SNRNP35: variants seen among roughly 807,000 people sequenced by gnomAD.
SNRNP35 encodes small nuclear ribonucleoprotein U11/U12 subunit 35.
In SNRNP35, 16 loss-of-function variants were observed where a neutral mutation model predicts 24.3. The ratio of observed to expected loss-of-function variants is 0.66; its 90% CI spans 0.45 to 1.00. The LOEUF is 1.00. SNRNP35 is among the 50% of genes least tolerant of loss of function. The pLI is 0.00. For synonymous variants in SNRNP35, 106 were observed against 124.8 expected, an observed-to-expected ratio of 0.85 and a Z score of 1.00; for missense variants, 292 against 327.2, an observed-to-expected ratio of 0.89 and a Z score of 0.83.
chr12:123,470,292 A>G (rs973097063), downstream of SNRNP35: 3 of 151,558 alleles, frequency 2.0e-5, no homozygotes, highest in African/African-American at 7.3e-5. Context: ...AGCTTAGGCA[A>G]CAAAGTAAGA....
At chr12:123,461,820 C>T (rs888231070) in intron 1 of SNRNP35, among the ~76,000 whole-genome samples, 2 of 151,146 alleles carry the variant, frequency 1.3e-5, no homozygotes, top group Non-Finnish European at 2.9e-5. Context: ...CTCCTGGTTT[C>T]AAGCGATTCT....
In SNRNP35 at chr12:123,458,205, A is replaced by G. The variant is rs1055888133; in HGVS notation, c.-15A>G. On this transcript the variant is annotated 5_prime_UTR_variant, in exon 1 of 2. Transcript: ENST00000526639. ...CCTGTCTCCGTCGGAAGGGAGCCCA[A>G]GCTTTGCAGAGGTGAGTGGAAGCGG... The G allele has an allele frequency of 1.9e-5, 19 of 985,354 alleles. No homozygotes were observed. The African/African-American group carries it at 3.1e-4, about 16-fold the overall frequency. The allele number at this position is 985,354 out of a possible 1,614,324, so 61.0% of individuals were successfully genotyped here. A position where few individuals can be genotyped will look rare whatever the true frequency, so the allele number is the denominator to read the frequency against.
intron 1 of SNRNP35, 103 bp downstream of exon 1, chr12:123,458,319 A>C: frequency 1.3e-6 from 1 of 758,348 alleles, no homozygotes; most frequent in Non-Finnish European, 1.6e-6. Flanking sequence ...CGCCATGTTG[A>C]AACCTGGCAA....
At chr12:123,471,984 T>C (rs1186650901) in exon 2 of SNRNP35, 2 of 153,956 alleles carry the variant, frequency 1.3e-5, no homozygotes, top group African/African-American at 4.8e-5. Context: ...ATCATCCATA[T>C]TGTCTGTGGC....
chr12:123,458,785 G>A (rs1483265385), intron 1 of SNRNP35, among the ~76,000 whole-genome samples: 1 of 151,630 alleles, frequency 6.6e-6, no homozygotes, highest in Admixed American at 6.6e-5. Context: ...TACTGGAGAC[G>A]GGGTTTCACC....
chr12:123,468,482 A>G (rs1052867866), downstream of SNRNP35, among the ~76,000 whole-genome samples: 8 of 152,160 alleles, frequency 5.3e-5, no homozygotes, highest in African/African-American at 1.7e-4. Context: ...GGAGCTCAGC[A>G]GTTCGAGACC....
rs763492067 is a variant in SNRNP35 at position 123,465,705 on chromosome 12, G to T, written c.165G>T (p.Val55=). Residue 55 remains valine (V), a synonymous_variant, in exon 2 of 2, where the codon GTG becomes GTT. Coordinates refer to ENST00000526639, the MANE Select transcript of SNRNP35 (RefSeq NM_022717.4). This position sits in a 1 kb window ranked among gnomAD's most constrained non-coding sequence, Gnocchi z 4.2. ...GAGATCCCCTCCTCACCCTGTTTGT[G>T]GCCAGACTAAACTTGCAGACCAAGG... is the stretch of plus-strand genomic sequence containing the variant. ...VIGDPLLTLF[V]ARLNLQTKED... 1 of 1,613,838 alleles carries T rather than the reference G, an allele frequency of 6.2e-7. No homozygotes were observed. The highest frequency in any genetic ancestry group is 8.5e-7 in the Non-Finnish European group (1 of 1,179,882).
At chr12:123,459,937 A>C in intron 1 of SNRNP35, 1 of 1,327,610 alleles carries the variant, frequency 7.5e-7, no homozygotes, top group Non-Finnish European at 1.1e-6. Context: ...GAGAGAGAGA[A>C]CAAAATCCAT....
chr12:123,471,448 G>C (rs1000298129), downstream of SNRNP35: 1 of 152,250 alleles, frequency 6.6e-6, no homozygotes, highest in Non-Finnish European at 1.5e-5. Flanking sequence ...CTGGTAGGAG[G>C]TGCTACCTCG....
exon 2 of SNRNP35, chr12:123,472,903 G>A: frequency 1.9e-6 from 1 of 532,054 alleles, no homozygotes; most frequent in Non-Finnish European, 3.4e-6. Flanking sequence ...CACGCGGTAT[G>A]GGCAAGGCAT....
intron 1 of SNRNP35, among the ~76,000 whole-genome samples, chr12:123,463,303 C>T (rs1039647516): frequency 6.6e-6 from 1 of 152,008 alleles, no homozygotes; most frequent in Non-Finnish European, 1.5e-5. Context: ...CTCAAGTGAT[C>T]GTCCCACCTT....
intron 1 of SNRNP35, chr12:123,459,995 A>C (rs1880514570): frequency 9.3e-6 from 8 of 856,664 alleles, no homozygotes; most frequent in Non-Finnish European, 1.5e-5. Context: ...AGAAGTCTTA[A>C]AGTTTTGAAC....
chr12:123,472,946 C>A (rs73412254), exon 2 of SNRNP35: 3 of 392,452 alleles, frequency 7.6e-6, no homozygotes, highest in Non-Finnish European at 1.4e-5. Flanking sequence ...GTGTCTTCCA[C>A]GTTAGCCGCT....
downstream of SNRNP35, among the ~76,000 whole-genome samples, chr12:123,469,292 C>T (rs888073604): frequency 6.6e-6 from 1 of 151,540 alleles, no homozygotes; most frequent in African/African-American, 2.4e-5. Flanking sequence ...GTAGCTGGGA[C>T]AACAGGCGCA....
At chr12:123,470,225 C>T (rs1251047346), downstream of SNRNP35, 1 of 152,046 alleles carries the variant, frequency 6.6e-6, no homozygotes, top group African/African-American at 2.4e-5. Flanking sequence ...CACCTGAATT[C>T]CCAGCACTTT....
At chr12:123,472,464 G>A in exon 2 of SNRNP35, 1 of 1,503,598 alleles carries the variant, frequency 6.7e-7, no homozygotes, top group Non-Finnish European at 9.0e-7. Flanking sequence ...AGGCAGCAAT[G>A]ACCCCTGGGC....
At position 123,465,611 on chromosome 12, in the gene SNRNP35, A is replaced by T. The variant is rs760921018; in HGVS notation, c.71A>T (p.Glu24Val). The change falls in exon 2 of 2, where the codon GAA (glutamate) becomes GTA (valine). Residue 24 changes from glutamate to valine, a missense_variant. By Grantham distance (121) the Glu-to-Val change is moderately radical. Transcript: ENST00000526639. This position sits in a 1 kb window ranked among gnomAD's most constrained non-coding sequence, Gnocchi z 4.2. Reference protein sequence around the residue: ...LKAGSIDGTDEDPHDRAVWRA... With the variant: ...LKAGSIDGTDVDPHDRAVWRA... The stretch of plus-strand genomic sequence containing the variant: ...GCGGGCAGCATTGATGGCACCGATG[A>T]AGACCCACACGACCGCGCGGTCTGG... 1.2e-6 allele frequency: 2 copies of T among 1,608,422 alleles called. No homozygotes were observed. The highest frequency in any genetic ancestry group is 2.7e-5 in the African/African-American group (2 of 74,726).
chr12:123,468,228 A>G (rs1881043214), downstream of SNRNP35, among the ~76,000 whole-genome samples: 3 of 151,778 alleles, frequency 2.0e-5, no homozygotes, highest in South Asian at 4.2e-4. Flanking sequence ...GCGTGGTGGC[A>G]GGTGCCTGTA....
chr12:123,467,714 A>G (rs1244735169), downstream of SNRNP35, among the ~76,000 whole-genome samples: 1 of 152,240 alleles, frequency 6.6e-6, no homozygotes, highest in Non-Finnish European at 1.5e-5. Flanking sequence ...GATATTATAC[A>G]GGGAACTGGA....
Sources: allele counts gnomAD v4.1 joint callset (sites outside exome capture counted in the v4.1 genomes callset), GRCh38; gene constraint gnomAD v4.1.1; non-coding constraint Gnocchi (gnomAD v3.1); transcripts MANE v1.5; gene names NCBI Gene and HGNC (gene_info 2026-07-23, HGNC 2026-07-21).